TUSC3: variants seen among roughly 807,000 people sequenced by gnomAD.
TUSC3 encodes tumor suppressor candidate 3.
A neutral mutation model predicts 44.8 loss-of-function variants in TUSC3; 45 were observed. That is an observed-to-expected ratio of 1.00 (90% confidence interval 0.79 to 1.29). The LOEUF is 1.29. Ranked by LOEUF, TUSC3 falls within the 50% of genes most tolerant of loss-of-function variation. The pLI is 0.00. For synonymous variants in TUSC3, 212 were observed against 152.9 expected (o/e 1.39, Z -2.85); for missense variants, 519 against 437.9 (o/e 1.19, Z -1.65).
intron 2 of TUSC3, among the ~76,000 whole-genome samples, chr8:15,510,556 A>G (rs1801118720): frequency 6.6e-6 from 1 of 152,152 alleles, no homozygotes; most frequent in African/African-American, 2.4e-5. Flanking sequence ...GACAACCCCA[A>G]CACTATATAT....
At chr8:15,571,319 A>G (rs1202540024) in intron 1 of TUSC3, among the ~76,000 whole-genome samples, 1 of 152,108 alleles carries the variant, frequency 6.6e-6, no homozygotes, top group Non-Finnish European at 1.5e-5. Context: ...ACTTTGAGAC[A>G]TGGGCTTGGT....
Position 15,765,117 on chromosome 8 carries a change from T to C in TUSC3, c.*961T>C, listed in dbSNP as rs1435828586. On this transcript the variant is annotated 3_prime_UTR_variant, in exon 11 of 11. Transcript: ENST00000503731. ...AATGTACTATTATGTTTGTATCCTGTTTTAGTTTATAAAGCACTTTCACAT... is the reference window on the plus strand; with the variant it reads ...AATGTACTATTATGTTTGTATCCTGCTTTAGTTTATAAAGCACTTTCACAT... The C allele has an allele frequency of 3.3e-5, 5 of 152,002 alleles. No individual in the cohort carries two copies. Among genetic ancestry groups the C allele is most frequent in the Admixed American group, 3.3e-4 (5 of 15,242 alleles). 9.4% of individuals were successfully genotyped at this position (152,002 alleles called of 1,614,324 possible).
chr8:15,648,586 C>T (rs531300265), intron 2 of TUSC3, among the ~76,000 whole-genome samples: 2 of 151,426 alleles, frequency 1.3e-5, no homozygotes, highest in Admixed American at 6.6e-5. Flanking sequence ...ATTATCTGGG[C>T]GAGGTGGCAC....
intron 1 of TUSC3, among the ~76,000 whole-genome samples, chr8:15,480,415 AAAATACC>A: frequency 6.6e-6 from 1 of 152,340 alleles, no homozygotes; most frequent in Non-Finnish European, 1.5e-5. Context: ...TTGCCATGAA[AAAATACC>A]ATAGATTTAG....
At chr8:15,754,181 A>C (rs13264283) in intron 9 of TUSC3, among the ~76,000 whole-genome samples, 1 of 152,130 alleles carries the variant, frequency 6.6e-6, no homozygotes, top group Non-Finnish European at 1.5e-5. Context: ...AGGAAAACGC[A>C]CAACACATAC....
At chr8:15,423,969 G>GTTTTTTTTTTTTTTTTTTTTTTTTTT (rs112397215) in intron 1 of TUSC3, among the ~76,000 whole-genome samples, 1 of 70,362 alleles carries the variant, frequency 1.4e-5, no homozygotes, top group Admixed American at 2.1e-4. Flanking sequence ...GTTTTGCTTT[G>GTTTTTTTTTTTTTTTTTTTTTTTTTT]TTTTTTTTTT....
intron 6 of TUSC3, among the ~76,000 whole-genome samples, chr8:15,716,261 G>T (rs539186729): frequency 1.3e-5 from 2 of 151,764 alleles, no homozygotes; most frequent in Admixed American, 1.3e-4. Flanking sequence ...TTCTCCAGAA[G>T]AAAAAAACAA....
the TUSC3 span, among the ~76,000 whole-genome samples, chr8:15,851,984 CTT>C: frequency 2.0e-5 from 3 of 152,204 alleles, no homozygotes; most frequent in East Asian, 1.9e-4. Context: ...CATTTTTTCT[CTT>C]GTCTCCCGCC....
At chr8:15,628,601 A>T (rs1460196609) in intron 2 of TUSC3, among the ~76,000 whole-genome samples, 1 of 152,204 alleles carries the variant, frequency 6.6e-6, no homozygotes, top group Non-Finnish European at 1.5e-5. Context: ...TATTGTGCAA[A>T]GCAGTATAGA....
chr8:15,529,047 A>G (rs1801416924), intron 2 of TUSC3, among the ~76,000 whole-genome samples: 1 of 152,196 alleles, frequency 6.6e-6, no homozygotes, highest in East Asian at 1.9e-4. Context: ...TTCCTGATAC[A>G]TAGAACATGC....
At chr8:15,850,861 TCTATGAGTTGAAAC>T in the TUSC3 span, among the ~76,000 whole-genome samples, 1 of 152,226 alleles carries the variant, frequency 6.6e-6, no homozygotes, top group South Asian at 2.1e-4. Context: ...ATTTCTAGCT[TCTATGAGTTGAAAC>T]CTCCTTCGAA....
At chr8:15,686,412 C>T (rs13251503) in intron 6 of TUSC3, among the ~76,000 whole-genome samples, 31,861 of 151,906 alleles carry the variant, frequency 0.21, 4,267 homozygotes, top group Non-Finnish European at 0.3. Flanking sequence ...TAAAACTAAG[C>T]GTTATATTCT....
chr8:15,449,347 C>T lies in TUSC3; in HGVS notation n.91+32042C>T, dbSNP rs535478467. On this transcript the variant is annotated intron_variant and non_coding_transcript_variant, in intron 1 of 5. Coordinates refer to the TUSC3 transcript ENST00000503191. Reference sequence around the variant, plus strand: ...AATGGCCGTGTTAGCATGGCTCAAGCGTGGAGTTTTTTGACCCTCTGATGT... The same window carrying T: ...AATGGCCGTGTTAGCATGGCTCAAGTGTGGAGTTTTTTGACCCTCTGATGT... Among the ~76,000 whole-genome samples, 107 of 152,228 alleles carry T rather than the reference C, an allele frequency of 7.0e-4. 2 individuals are homozygous for T. The South Asian group carries it at 0.021, about 29-fold the overall frequency.
At position 15,764,421 on chromosome 8, in the gene TUSC3, G is replaced by A. The variant is rs993695847; in HGVS notation, c.*265G>A. ...TAATCTACAAAGGAAATATCAAAGTGTTTTTCAAGCCTGTTATATTCAGTG... is the reference window on the plus strand; with the variant it reads ...TAATCTACAAAGGAAATATCAAAGTATTTTTCAAGCCTGTTATATTCAGTG... On this transcript the variant is annotated 3_prime_UTR_variant, in exon 11 of 11. Coordinates refer to ENST00000503731, the MANE Select transcript of TUSC3 (RefSeq NM_006765.4). The A allele has an allele frequency of 7.6e-6, 4 of 529,186 alleles. No individual in the cohort carries two copies. The highest frequency in any genetic ancestry group is 5.8e-5 in the African/African-American group (3 of 51,456). 32.8% of individuals were successfully genotyped at this position (529,186 alleles called of 1,614,324 possible).
Position 15,666,948 on chromosome 8 carries a change from AG to A in TUSC3, c.708+4654del, listed in dbSNP as rs140166414. On this transcript the variant is annotated intron_variant, in intron 5 of 10. Transcript: ENST00000503731. ...TATCTAATTCTTAATTTTCTGTAGT[AG>A]GAGTAAGCAGTGGCCTCAAAAACTC... is the stretch of plus-strand genomic sequence containing the variant. Among the ~76,000 whole-genome samples the A allele has an allele frequency of 4.8e-3, 735 of 151,684 alleles. 18 individuals carry two copies. In the East Asian group the frequency reaches 0.071, roughly 15 times the overall value.
chr8:15,806,150 G>A, the TUSC3 span: 1 of 471,068 alleles, frequency 2.1e-6, no homozygotes, highest in Non-Finnish European at 4.1e-6. Context: ...AGCAGTTTTA[G>A]CACATAGCAT....
intron 1 of TUSC3, among the ~76,000 whole-genome samples, chr8:15,455,699 T>C (rs775504907): frequency 1.3e-5 from 2 of 152,164 alleles, no homozygotes; most frequent in East Asian, 3.9e-4. Context: ...GTTTAGGAGA[T>C]CTGATCCAGC....
intron 1 of TUSC3, among the ~76,000 whole-genome samples, chr8:15,548,582 G>A (rs1335062228): frequency 6.6e-6 from 1 of 151,758 alleles, no homozygotes. Flanking sequence ...GAAGAACTGG[G>A]TACTTGATGA....
intron 2 of TUSC3, among the ~76,000 whole-genome samples, chr8:15,638,515 C>CTTTTTTTTTTTTTTTTT (rs547743726): frequency 1.4e-4 from 11 of 81,102 alleles, no homozygotes; most frequent in Non-Finnish European, 1.3e-4. Flanking sequence ...TTCTTTTTTT[C>CTTTTTTTTTTTTTTTTT]TTTTTTTTTT....
Sources: gnomAD v4.1 joint callset for allele counts (sites outside exome capture counted in the v4.1 genomes callset) on GRCh38, gnomAD v4.1.1 for gene constraint, MANE v1.5 for transcripts, NCBI Gene and HGNC (gene_info 2026-07-23, HGNC 2026-07-21) for gene names.